CAMK4: variants seen among roughly 807,000 people sequenced by gnomAD.
CAMK4 encodes the protein calcium/calmodulin-dependent protein kinase type IV.
In CAMK4, 22 loss-of-function variants were observed where a neutral mutation model predicts 44.9. That is an observed-to-expected ratio of 0.49 (90% CI 0.35 to 0.70). CAMK4 has a LOEUF of 0.70. Among genes scored for constraint, CAMK4 ranks in the 30% least tolerant of loss-of-function variants. The pLI is 0.01. For synonymous variants in CAMK4, 218 were observed against 215.4 expected, an observed-to-expected ratio of 1.01 and a Z score of -0.11; for missense variants, 498 against 586.8, an observed-to-expected ratio of 0.85 and a Z score of 1.56.
intron 5 of CAMK4, among the ~76,000 whole-genome samples, chr5:111,423,703 C>T (rs1319943586): frequency 6.6e-6 from 1 of 152,156 alleles, no homozygotes; most frequent in South Asian, 2.1e-4. Context: ...TTTATTATAC[C>T]TTCAGTTCTT....
At chr5:111,228,847 C>T (rs1748327865) in intron 1 of CAMK4, among the ~76,000 whole-genome samples, 1 of 152,172 alleles carries the variant, frequency 6.6e-6, no homozygotes, top group Admixed American at 6.5e-5. Context: ...AAAAAGGCTC[C>T]TATCTTTGCC....
chr5:111,227,326 A>C (rs77824815), intron 1 of CAMK4, among the ~76,000 whole-genome samples: 3,365 of 152,154 alleles, frequency 0.022, 128 homozygotes, highest in African/African-American at 0.078. Flanking sequence ...TCAAGCCTTT[A>C]CTCTCAGCTT....
chr5:111,294,212 C>A (rs1316389241), intron 1 of CAMK4, among the ~76,000 whole-genome samples: 1 of 151,932 alleles, frequency 6.6e-6, no homozygotes, highest in East Asian at 1.9e-4. Context: ...AAATAATAGC[C>A]CCATACATTA....
intron 4 of CAMK4, among the ~76,000 whole-genome samples, chr5:111,390,702 A>C (rs1751765409): frequency 6.6e-6 from 1 of 152,204 alleles, no homozygotes. Context: ...CATAGCAACA[A>C]AGTAGTTTTT....
At chr5:111,381,876 C>A (rs1249428168) in intron 4 of CAMK4, among the ~76,000 whole-genome samples, 2 of 152,000 alleles carry the variant, frequency 1.3e-5, no homozygotes, top group Non-Finnish European at 2.9e-5. Flanking sequence ...AAAAAGTCAG[C>A]CTATTTGAGC....
chr5:111,468,621 C>T (rs1463138101), intron 7 of CAMK4, among the ~76,000 whole-genome samples: 1 of 152,144 alleles, frequency 6.6e-6, no homozygotes, highest in African/African-American at 2.4e-5. Flanking sequence ...TGGAAAAGGC[C>T]TGTCTAGATT....
chr5:111,322,357 C>G (rs540233206), intron 1 of CAMK4, among the ~76,000 whole-genome samples: 138 of 152,090 alleles, frequency 9.1e-4, no homozygotes, highest in African/African-American at 3.3e-3. Context: ...TTTGAGACCT[C>G]AAAACGATCA....
chr5:111,245,377 G>C (rs1749188928), intron 1 of CAMK4, among the ~76,000 whole-genome samples: 1 of 152,060 alleles, frequency 6.6e-6, no homozygotes, highest in African/African-American at 2.4e-5. Flanking sequence ...GATAATAATA[G>C]CAGAAATTTT....
chr5:111,344,120 A>G lies in CAMK4; in HGVS notation c.240+18A>G, dbSNP rs772248082. 6.8e-5 allele frequency: 99 copies of G among 1,462,496 alleles called. No individual in the cohort carries two copies. Among genetic ancestry groups the G allele is most frequent in the Non-Finnish European group, 3.7e-5 (39 of 1,044,464 alleles). The allele number at this position is 1,462,496 out of a possible 1,614,324, so 90.6% of individuals were successfully genotyped here. ...AGAAAACAGTAAGTTTATTTCTTAT[A>G]TAATGGCATCTCTAAGGGGCCTGTG... is the stretch of plus-strand genomic sequence containing the variant. On this transcript the variant is annotated intron_variant, in intron 2 of 10. Coordinates refer to ENST00000282356, the MANE Select transcript of CAMK4 (RefSeq NM_001744.6).
chr5:111,276,409 T>A (rs983416958), intron 1 of CAMK4, among the ~76,000 whole-genome samples: 3 of 152,140 alleles, frequency 2.0e-5, no homozygotes, highest in Non-Finnish European at 2.9e-5. Context: ...TAAAATTGTT[T>A]TTAGCCTTTT....
chr5:111,367,083 T>C (rs771390206), intron 2 of CAMK4, among the ~76,000 whole-genome samples: 30 of 151,206 alleles, frequency 2.0e-4, no homozygotes, highest in Admixed American at 4.0e-4. Flanking sequence ...AGCAAGACTA[T>C]GAGTCCACTG....
chr5:111,293,257 A>G (rs1001230268), intron 1 of CAMK4, among the ~76,000 whole-genome samples: 4 of 152,288 alleles, frequency 2.6e-5, no homozygotes, highest in Admixed American at 1.3e-4. Flanking sequence ...AGGACTAAGA[A>G]GCCAATCCTT....
chr5:111,317,969 A>G (rs1748504546), intron 1 of CAMK4, among the ~76,000 whole-genome samples: 1 of 149,588 alleles, frequency 6.7e-6, no homozygotes, highest in African/African-American at 2.4e-5. Context: ...CGGACTGTAT[A>G]AAGTTAGGTT....
intron 1 of CAMK4, among the ~76,000 whole-genome samples, chr5:111,281,389 A>T (rs1385516909): frequency 6.6e-6 from 1 of 152,198 alleles, no homozygotes; most frequent in East Asian, 1.9e-4. Flanking sequence ...TGTAAGTGAT[A>T]TAGTACATGG....
intron 1 of CAMK4, among the ~76,000 whole-genome samples, chr5:111,322,209 A>G (rs1212949231): frequency 6.6e-6 from 1 of 152,048 alleles, no homozygotes; most frequent in Non-Finnish European, 1.5e-5. Flanking sequence ...AGATTTTTTG[A>G]GACGAAGTAG....
At chr5:111,427,011 G>C (rs1490092547) in intron 5 of CAMK4, among the ~76,000 whole-genome samples, 4 of 152,166 alleles carry the variant, frequency 2.6e-5, no homozygotes, top group African/African-American at 9.7e-5. Flanking sequence ...GACATATTGA[G>C]AGACCAGCTG....
At chr5:111,464,399 G>A (rs1348695408) in intron 7 of CAMK4, among the ~76,000 whole-genome samples, 4 of 152,126 alleles carry the variant, frequency 2.6e-5, no homozygotes, top group Admixed American at 6.6e-5. Context: ...ATCTAAAAAT[G>A]TGGAAAACAT....
chr5:111,361,933 G>A (rs571499641), intron 2 of CAMK4, among the ~76,000 whole-genome samples: 61 of 151,976 alleles, frequency 4.0e-4, no homozygotes, highest in African/African-American at 1.3e-3. Context: ...CTCTGACTGG[G>A]GTGGAACATT....
At chr5:111,233,450 A>G (rs1228243720) in intron 1 of CAMK4, among the ~76,000 whole-genome samples, 5 of 149,520 alleles carry the variant, frequency 3.3e-5, no homozygotes, top group Non-Finnish European at 6.0e-5. Context: ...TATATGACTG[A>G]TGTTTACTTC....
Sources: gnomAD v4.1 joint callset for allele counts (sites outside exome capture counted in the v4.1 genomes callset) on GRCh38, gnomAD v4.1.1 for gene constraint, MANE v1.5 for transcripts, NCBI Gene and HGNC (gene_info 2026-07-23, HGNC 2026-07-21) for gene names.